Variants in CAMTA1 observed in about 807,000 individuals in gnomAD.
CAMTA1 encodes calmodulin binding transcription activator 1.
CAMTA1 carries 27 observed loss-of-function variants against 170.9 expected under a neutral mutation model. That is an observed-to-expected ratio of 0.16 (90% CI 0.12 to 0.22). The LOEUF is 0.22. Among genes scored for constraint, CAMTA1 ranks in the 10% least tolerant of loss-of-function variants. CAMTA1 has a pLI of 1.00. For synonymous variants in CAMTA1, 833 were observed against 891.5 expected, an observed-to-expected ratio of 0.93 and a Z score of 1.17; for missense variants, 1,619 against 2,217.2, an observed-to-expected ratio of 0.73 and a Z score of 5.42.
chr1:7,751,172 T>G (rs201369633), intron 19 of CAMTA1, 27 bp from the exon 20 acceptor site: 2 of 1,543,562 alleles, frequency 1.3e-6, no homozygotes, highest in Non-Finnish European at 1.7e-6. Context: ...GTTGTTACTG[T>G]GTCGCTTGTT....
At chr1:6,896,140 A>G (rs1204005385) in intron 3 of CAMTA1, among the ~76,000 whole-genome samples, 4 of 152,156 alleles carry the variant, frequency 2.6e-5, no homozygotes, top group Non-Finnish European at 4.4e-5. Context: ...ACCGTTTGGG[A>G]AAAAAACTGC....
intron 5 of CAMTA1, among the ~76,000 whole-genome samples, chr1:7,363,709 G>A (rs2085742990): frequency 6.6e-6 from 1 of 152,152 alleles, no homozygotes; most frequent in Non-Finnish European, 1.5e-5. Context: ...TCTGGTGTGT[G>A]TCTCATCTTG....
chr1:6,895,943 C>A (rs1376266152), intron 3 of CAMTA1, among the ~76,000 whole-genome samples: 2 of 152,136 alleles, frequency 1.3e-5, no homozygotes, highest in Non-Finnish European at 2.9e-5. Context: ...GGGCAGGGGG[C>A]CCTGTCTATC....
At chr1:7,473,834 A>C (rs1294663402) in intron 6 of CAMTA1, among the ~76,000 whole-genome samples, 1 of 152,230 alleles carries the variant, frequency 6.6e-6, no homozygotes, top group Non-Finnish European at 1.5e-5. Flanking sequence ...GTTTTTCTCC[A>C]CTGACGCCGG....
chr1:7,208,640 C>T (rs1658199311), intron 4 of CAMTA1, among the ~76,000 whole-genome samples: 1 of 152,130 alleles, frequency 6.6e-6, no homozygotes, highest in Admixed American at 6.5e-5. Flanking sequence ...CTTAAATTGC[C>T]CAGTGTTCAT....
chr1:7,233,377 G>A (rs928703897), intron 4 of CAMTA1, among the ~76,000 whole-genome samples: 1 of 152,128 alleles, frequency 6.6e-6, no homozygotes, highest in South Asian at 2.1e-4. Flanking sequence ...TGGGGCTTAC[G>A]TGACCTGGCT....
intron 5 of CAMTA1, among the ~76,000 whole-genome samples, chr1:7,355,209 A>C (rs1310480168): frequency 1.4e-5 from 2 of 147,460 alleles, no homozygotes; most frequent in Non-Finnish European, 3.0e-5. Context: ...CCGTCTCAAA[A>C]AAAAAAAAAA....
intron 5 of CAMTA1, among the ~76,000 whole-genome samples, chr1:7,437,337 T>A (rs1033264527): frequency 6.6e-6 from 1 of 152,132 alleles, no homozygotes; most frequent in Non-Finnish European, 1.5e-5. Context: ...CGTCCATTCC[T>A]CCTGAGGGCG....
chr1:7,613,227 C>A (rs2095535445), intron 6 of CAMTA1, among the ~76,000 whole-genome samples: 1 of 152,216 alleles, frequency 6.6e-6, no homozygotes, highest in Admixed American at 6.5e-5. Flanking sequence ...CGCCTTGGAA[C>A]TGGAACATAG....
chr1:7,616,576 G>T (rs2095560409), intron 6 of CAMTA1, among the ~76,000 whole-genome samples: 1 of 151,956 alleles, frequency 6.6e-6, no homozygotes, highest in Non-Finnish European at 1.5e-5. Context: ...GGGGGTGACT[G>T]GGGGGCATTT....
rs546426480 is a variant in CAMTA1 at position 7,050,062 on chromosome 1, C to T, written c.235-41242C>T. Among the ~76,000 whole-genome samples the T allele has an allele frequency of 5.9e-5, 9 of 152,140 alleles. No individual in the cohort carries two copies. On this transcript the variant is annotated intron_variant, in intron 3 of 22. Coordinates refer to ENST00000303635, the MANE Select transcript of CAMTA1 (RefSeq NM_015215.4). The surrounding 1 kb of genome is among the most constrained non-coding windows in gnomAD (Gnocchi z 4.8). Reference sequence around the variant, plus strand: ...CGTTCCCAGGAGGGGACTGCAAGCGCGGTGTCCTTGGGGCGGGATTGCACT... The same window carrying T: ...CGTTCCCAGGAGGGGACTGCAAGCGTGGTGTCCTTGGGGCGGGATTGCACT...
At chr1:7,658,220 C>T (rs933612850) in intron 7 of CAMTA1, among the ~76,000 whole-genome samples, 1 of 152,170 alleles carries the variant, frequency 6.6e-6, no homozygotes, top group Non-Finnish European at 1.5e-5. Context: ...GCAAGGGGCA[C>T]CTGCTCCGAG....
In CAMTA1 at chr1:6,827,765, C is replaced by T. The variant is rs538933885; in HGVS notation, c.234+2555C>T. Among the ~76,000 whole-genome samples the T allele has an allele frequency of 3.3e-5, 5 of 152,208 alleles. No homozygotes were observed. The South Asian group carries it at 8.3e-4, about 25-fold the overall frequency. ...TAAATCATATTTAGTCAAAATTGCC[C>T]GTGAAATCCCTTGACTTGCTCATAA... On this transcript the variant is annotated intron_variant, in intron 3 of 22. Transcript: ENST00000303635.
chr1:7,405,953 CTGTTG>C (rs2090253520), intron 5 of CAMTA1, among the ~76,000 whole-genome samples: 1 of 152,184 alleles, frequency 6.6e-6, no homozygotes, highest in South Asian at 2.1e-4. Flanking sequence ...GGGGATTTTG[CTGTTG>C]TGAGGGTGAG....
chr1:7,687,283 G>A (rs190426194), intron 11 of CAMTA1, among the ~76,000 whole-genome samples: 16 of 151,816 alleles, frequency 1.1e-4, no homozygotes, highest in African/African-American at 3.9e-4. Flanking sequence ...CCAGCAGGAT[G>A]TGACCCATGG....
intron 4 of CAMTA1, among the ~76,000 whole-genome samples, chr1:7,170,847 T>G (rs1649452100): frequency 6.6e-6 from 1 of 152,218 alleles, no homozygotes; most frequent in Non-Finnish European, 1.5e-5. Context: ...TCATTGTTAT[T>G]TGGACAATAT....
intron 16 of CAMTA1, among the ~76,000 whole-genome samples, chr1:7,744,374 C>CTGGG (rs2096842066): frequency 6.6e-6 from 1 of 152,014 alleles, no homozygotes; most frequent in Non-Finnish European, 1.5e-5. Context: ...TCAAGTGATC[C>CTGGG]ACCCACCTCG....
At chr1:7,649,779 G>A (rs1008632110) in intron 7 of CAMTA1, among the ~76,000 whole-genome samples, 4 of 152,202 alleles carry the variant, frequency 2.6e-5, no homozygotes, top group African/African-American at 9.6e-5. Flanking sequence ...CCCCTTTTGT[G>A]GAGTGCGCCC....
At position 6,955,884 on chromosome 1, in the gene CAMTA1, C is replaced by T. The variant is rs148281231; in HGVS notation, c.234+130674C>T. 8.0e-4 allele frequency among the ~76,000 whole-genome samples: 122 copies of T among 152,284 alleles called. 2 individuals are homozygous for T. Among genetic ancestry groups the T allele is most frequent in the African/African-American group, 2.5e-3 (103 of 41,558 alleles). ...CAAGGCTGTCAGAGGGATTTTCTCC[C>T]GCGGGTCTTCCTGTGCAAATCAATA... On this transcript the variant is annotated intron_variant, in intron 3 of 22. Transcript: ENST00000303635.
Sources: allele counts gnomAD v4.1 joint callset (sites outside exome capture counted in the v4.1 genomes callset), GRCh38; gene constraint gnomAD v4.1.1; non-coding constraint Gnocchi (gnomAD v3.1); transcripts MANE v1.5; gene names NCBI Gene and HGNC (gene_info 2026-07-23, HGNC 2026-07-21).